The following PDE10A variants were observed in gnomAD, a reference collection of about 807,000 sequenced individuals.
PDE10A encodes the protein cAMP and cAMP-inhibited cGMP 3',5'-cyclic phosphodiesterase 10A.
In PDE10A, 39 loss-of-function variants were observed where a neutral mutation model predicts 97.7. The ratio of observed to expected loss-of-function variants is 0.40; its 90% CI spans 0.31 to 0.52. PDE10A has a LOEUF of 0.52. Ranked by LOEUF, PDE10A falls within the 20% of genes least tolerant of loss-of-function variation. The probability of loss-of-function intolerance (pLI) is 0.56; values close to 1 mark genes in which losing one functional copy is unlikely to be tolerated. For missense variants in PDE10A, 731 were observed against 1,047.8 expected (o/e 0.70, Z 4.17); for synonymous variants, 371 against 376.8 (o/e 0.98, Z 0.18).
intron 1 of PDE10A, among the ~76,000 whole-genome samples, chr6:165,887,921 A>C (rs1054123083): frequency 3.3e-5 from 5 of 152,190 alleles, no homozygotes; most frequent in African/African-American, 2.4e-5. Flanking sequence ...TCAATGGCTC[A>C]CTGGGCCCTA....
chr6:165,704,207 A>G (rs1384437224), intron 1 of PDE10A, among the ~76,000 whole-genome samples: 2 of 152,134 alleles, frequency 1.3e-5, no homozygotes, highest in Non-Finnish European at 2.9e-5. Flanking sequence ...AACAATACCC[A>G]CAGCCAGATG....
chr6:165,892,269 G>A (rs912226068), intron 1 of PDE10A, among the ~76,000 whole-genome samples: 8 of 152,164 alleles, frequency 5.3e-5, no homozygotes, highest in African/African-American at 1.9e-4. Context: ...GGGTGACACA[G>A]GAGGAGGTCA....
At chr6:165,741,517 A>C (rs1792719795) in intron 1 of PDE10A, among the ~76,000 whole-genome samples, 1 of 152,190 alleles carries the variant, frequency 6.6e-6, no homozygotes, top group Non-Finnish European at 1.5e-5. Flanking sequence ...TTATACAATT[A>C]ATCTCAAGAG....
intron 1 of PDE10A, among the ~76,000 whole-genome samples, chr6:165,951,280 G>A (rs749552011): frequency 1.2e-4 from 18 of 152,036 alleles, no homozygotes; most frequent in African/African-American, 7.2e-5. Context: ...ATTGTTTTAC[G>A]TCTTCTTCTT....
At chr6:165,563,902 A>G (rs1037332171) in intron 1 of PDE10A, among the ~76,000 whole-genome samples, 64 of 151,312 alleles carry the variant, frequency 4.2e-4, no homozygotes, top group African/African-American at 1.6e-3. Context: ...AAAAAAAAAA[A>G]GGTAGCTATA....
chr6:165,860,212 G>A (rs1188654997), intron 1 of PDE10A, among the ~76,000 whole-genome samples: 1 of 152,294 alleles, frequency 6.6e-6, no homozygotes, highest in African/African-American at 2.4e-5. Context: ...CCAGCACTTT[G>A]GGAAGCTGAG....
At chr6:165,742,463 G>A (rs142576380) in intron 1 of PDE10A, among the ~76,000 whole-genome samples, 116 of 152,174 alleles carry the variant, frequency 7.6e-4, no homozygotes, top group African/African-American at 2.7e-3. Flanking sequence ...GTCATCCCGA[G>A]TCCCACCCAG....
At position 165,656,258 on chromosome 6, in the gene PDE10A, T is replaced by TCTCACA. The variant is rs1365414526; in HGVS notation, c.865+5688_865+5689insTGTGAG. Among the ~76,000 whole-genome samples the TCTCACA allele has an allele frequency of 2.5e-3, 325 of 129,884 alleles. 2 individuals are homozygous for TCTCACA. Among genetic ancestry groups the TCTCACA allele is most frequent in the African/African-American group, 9.7e-3 (309 of 32,018 alleles). 85.2% of individuals were successfully genotyped at this position (129,884 alleles called of 152,430 possible). On this transcript the variant is annotated intron_variant, in intron 1 of 21. Transcript: ENST00000539869. ...CCAACTCTCTCTCTCTCTCTCTCTC[T>TCTCACA]CACACACACACACACACACACACAC...
At chr6:165,550,171 G>T (rs952642103) in intron 1 of PDE10A, among the ~76,000 whole-genome samples, 4 of 151,892 alleles carry the variant, frequency 2.6e-5, no homozygotes, top group African/African-American at 9.7e-5. Flanking sequence ...TGCCACATTA[G>T]GTATCTTATC....
At chr6:165,487,255 C>G (rs1216320515) in intron 2 of PDE10A, among the ~76,000 whole-genome samples, 1 of 152,170 alleles carries the variant, frequency 6.6e-6, no homozygotes, top group East Asian at 1.9e-4. Flanking sequence ...GTCCAACAAC[C>G]TGTCTTTGTG....
chr6:165,945,291 A>C (rs1419810868), intron 1 of PDE10A, among the ~76,000 whole-genome samples: 1 of 152,242 alleles, frequency 6.6e-6, no homozygotes, highest in East Asian at 1.9e-4. Context: ...TACAGCCAGC[A>C]TCTAAACTGA....
chr6:165,702,865 AAC>A (rs1190148832), intron 1 of PDE10A, among the ~76,000 whole-genome samples: 1 of 152,172 alleles, frequency 6.6e-6, no homozygotes, highest in Non-Finnish European at 1.5e-5. Flanking sequence ...TGACGTTCCT[AAC>A]ACATGAGATG....
At chr6:165,370,651 T>C (rs1474383782) in intron 18 of PDE10A, among the ~76,000 whole-genome samples, 3 of 147,750 alleles carry the variant, frequency 2.0e-5, no homozygotes, top group African/African-American at 7.6e-5. Context: ...CACCCCACTG[T>C]CAACATTAGA....
intron 1 of PDE10A, among the ~76,000 whole-genome samples, chr6:165,690,566 C>A (rs1190796366): frequency 2.3e-4 from 35 of 152,302 alleles, no homozygotes; most frequent in African/African-American, 8.4e-4. Flanking sequence ...CTCTTGGAGG[C>A]AGGTCCAAAC....
chr6:165,551,110 A>G (rs1327520291), intron 1 of PDE10A, among the ~76,000 whole-genome samples: 2 of 152,200 alleles, frequency 1.3e-5, no homozygotes, highest in Non-Finnish European at 2.9e-5. Context: ...CAATGTTCTT[A>G]TTAACCTGTG....
In PDE10A at chr6:165,824,768, G is replaced by GA. The variant is rs926108188; in HGVS notation, c.-615+162760dup. ...GACAATCTATTGTATATTTCTTATGGAAAAAAAAGCATTTTAATTTCCTTC... is the reference window on the plus strand; with the variant it reads ...GACAATCTATTGTATATTTCTTATGGAAAAAAAAAGCATTTTAATTTCCTTC... On this transcript the variant is annotated intron_variant, in intron 1 of 19. Transcript: ENST00000366882. Among the ~76,000 whole-genome samples the GA allele has an allele frequency of 3.3e-5, 5 of 151,376 alleles. No homozygotes were observed. The South Asian group carries it at 6.3e-4, about 19-fold the overall frequency.
In PDE10A at chr6:165,835,131, CG is replaced by C. The variant is rs141310143; in HGVS notation, c.-615+152397del. Among the ~76,000 whole-genome samples the C allele has an allele frequency of 4.0e-3, 616 of 152,272 alleles. 2 individuals carry two copies. The highest frequency in any genetic ancestry group is 6.8e-3 in the Admixed American group (104 of 15,296). On this transcript the variant is annotated intron_variant, in intron 1 of 19. Coordinates refer to the PDE10A transcript ENST00000366882. ...GAGAGAGGTGGGGAAGGGCCGTCCT[CG>C]GATGTGTCAGAAACTGCAGGTCATC...
At chr6:165,898,208 A>C (rs1254335666) in intron 1 of PDE10A, among the ~76,000 whole-genome samples, 3 of 152,034 alleles carry the variant, frequency 2.0e-5, no homozygotes, top group African/African-American at 2.4e-5. Context: ...GCGATAAACT[A>C]AGCTCTCACT....
chr6:165,390,722 C>A (rs1785646862), intron 16 of PDE10A, among the ~76,000 whole-genome samples: 1 of 152,094 alleles, frequency 6.6e-6, no homozygotes, highest in Non-Finnish European at 1.5e-5. Flanking sequence ...GATGGGGGTG[C>A]TGCGATGGGA....
Sources: gnomAD v4.1 joint callset for allele counts (sites outside exome capture counted in the v4.1 genomes callset) on GRCh38, gnomAD v4.1.1 for gene constraint, MANE v1.5 for transcripts, NCBI Gene and HGNC (gene_info 2026-07-23, HGNC 2026-07-21) for gene names.